RHOBTB1: variants seen among roughly 807,000 people sequenced by gnomAD.
The protein encoded by RHOBTB1 is Rho related BTB domain containing 1.
RHOBTB1 carries 40 observed loss-of-function variants against 71.6 expected under a neutral mutation model. That is an observed-to-expected ratio of 0.56 (90% CI 0.43 to 0.73). RHOBTB1 has a LOEUF of 0.73. Among genes scored for constraint, RHOBTB1 ranks in the 30% least tolerant of loss-of-function variants. The probability of loss-of-function intolerance (pLI) is 0.00; values close to 1 mark genes in which losing one functional copy is unlikely to be tolerated. For synonymous variants in RHOBTB1, 319 were observed against 334.9 expected, an observed-to-expected ratio of 0.95 and a Z score of 0.52; for missense variants, 797 against 894.0, an observed-to-expected ratio of 0.89 and a Z score of 1.38.
intron 2 of RHOBTB1, among the ~76,000 whole-genome samples, chr10:60,959,209 C>A (rs2085698885): frequency 6.6e-6 from 1 of 152,140 alleles, no homozygotes; most frequent in Non-Finnish European, 1.5e-5. Context: ...GTGTTTAAAG[C>A]AAGGGAAAGA....
intron 2 of RHOBTB1, among the ~76,000 whole-genome samples, chr10:60,919,295 C>T (rs1014184798): frequency 1.3e-5 from 2 of 151,602 alleles, no homozygotes; most frequent in African/African-American, 4.9e-5. Flanking sequence ...AAGAGTTAGC[C>T]CTGAAATAAA....
At chr10:60,905,753 A>C (rs188414113) in intron 4 of RHOBTB1, among the ~76,000 whole-genome samples, 1 of 152,220 alleles carries the variant, frequency 6.6e-6, no homozygotes, top group Non-Finnish European at 1.5e-5. Flanking sequence ...TCATCATTAC[A>C]ATGTTATTTC....
upstream of RHOBTB1, among the ~76,000 whole-genome samples, chr10:60,949,077 G>A (rs2085329158): frequency 1.3e-5 from 2 of 152,302 alleles, no homozygotes; most frequent in Admixed American, 6.5e-5. Flanking sequence ...CTGTTCTGAG[G>A]CTCTTCATTA....
chr10:60,930,046 G>A (rs1275577469), intron 2 of RHOBTB1, among the ~76,000 whole-genome samples: 1 of 152,036 alleles, frequency 6.6e-6, no homozygotes, highest in Non-Finnish European at 1.5e-5. Flanking sequence ...GAAAGGAAAA[G>A]CTCTATAATA....
intron 1 of RHOBTB1, among the ~76,000 whole-genome samples, chr10:60,988,242 T>C (rs2086736257): frequency 6.6e-6 from 1 of 152,168 alleles, no homozygotes; most frequent in Non-Finnish European, 1.5e-5. Context: ...CCTGAAATAC[T>C]CAACTTTTAA....
the RHOBTB1 span, among the ~76,000 whole-genome samples, chr10:60,862,865 C>T: frequency 2.2e-5 from 3 of 138,646 alleles, no homozygotes; most frequent in Non-Finnish European, 1.6e-5. Context: ...CCCTCCCTCC[C>T]TTCCTTCCTT....
intron 2 of RHOBTB1, among the ~76,000 whole-genome samples, chr10:60,973,259 T>C (rs2086219423): frequency 6.6e-6 from 1 of 152,082 alleles, no homozygotes; most frequent in Non-Finnish European, 1.5e-5. Flanking sequence ...GATAAGATTT[T>C]AGTGGTTGCA....
chr10:60,986,575 A>C (rs1357797676), intron 1 of RHOBTB1, among the ~76,000 whole-genome samples: 1 of 151,646 alleles, frequency 6.6e-6, no homozygotes, highest in African/African-American at 2.4e-5. Flanking sequence ...TTCTTAGGAG[A>C]AAACATATCA....
At chr10:60,990,021 C>T (rs561655094) in intron 1 of RHOBTB1, among the ~76,000 whole-genome samples, 36 of 133,368 alleles carry the variant, frequency 2.7e-4, no homozygotes, top group East Asian at 8.8e-4. Context: ...CTCGTTCTGT[C>T]GCCTAGGCTG....
At chr10:60,917,727 T>C (rs1322800383) in intron 2 of RHOBTB1, among the ~76,000 whole-genome samples, 1 of 152,064 alleles carries the variant, frequency 6.6e-6, no homozygotes, top group East Asian at 1.9e-4. Flanking sequence ...AACATATGAA[T>C]TGGGGGAGGG....
At chr10:60,952,186 G>A (rs889801834) in intron 2 of RHOBTB1, among the ~76,000 whole-genome samples, 2 of 151,348 alleles carry the variant, frequency 1.3e-5, no homozygotes, top group Non-Finnish European at 2.9e-5. Flanking sequence ...GAATTTTAAA[G>A]CTGGAATTTT....
chr10:60,893,744 G>C (rs2082034407), intron 4 of RHOBTB1, among the ~76,000 whole-genome samples: 1 of 152,206 alleles, frequency 6.6e-6, no homozygotes, highest in South Asian at 2.1e-4. Context: ...CTGCTTTATA[G>C]TAAATTTTGA....
intron 7 of RHOBTB1, among the ~76,000 whole-genome samples, chr10:60,881,036 C>A (rs1487960252): frequency 6.6e-6 from 1 of 152,138 alleles, no homozygotes; most frequent in African/African-American, 2.4e-5. Flanking sequence ...TGGGAGAGAC[C>A]TGATGGGAGA....
chr10:60,937,748 C>T lies in RHOBTB1; in HGVS notation c.-11+4056G>A, dbSNP rs74155413. Among the ~76,000 whole-genome samples, 1,472 of 152,254 alleles carry T rather than the reference C, an allele frequency of 9.7e-3. 20 individuals are homozygous for T. Among genetic ancestry groups the T allele is most frequent in the African/African-American group, 0.033 (1,386 of 41,528 alleles). The stretch of plus-strand genomic sequence containing the variant: ...TGTTGTGTTCAAGAAAAAAAGGTTC[C>T]TATAACCATTCCTTAAAATATCAGA... On this transcript the variant is annotated intron_variant, in intron 2 of 10. Coordinates refer to ENST00000337910, the MANE Select transcript of RHOBTB1 (RefSeq NM_014836.5).
chr10:61,000,606 T>A (rs1288970656), intron 1 of RHOBTB1, among the ~76,000 whole-genome samples: 2 of 152,184 alleles, frequency 1.3e-5, no homozygotes, highest in African/African-American at 4.8e-5. Context: ...TTACTTCTCT[T>A]AAAATACATG....
chr10:60,935,087 C>T (rs1292970563), intron 2 of RHOBTB1, among the ~76,000 whole-genome samples: 1 of 152,060 alleles, frequency 6.6e-6, no homozygotes, highest in Non-Finnish European at 1.5e-5. Flanking sequence ...TGGAAACAAC[C>T]CATCAACAGT....
intron 1 of RHOBTB1, among the ~76,000 whole-genome samples, chr10:60,987,419 T>C (rs1204571236): frequency 1.3e-5 from 2 of 152,192 alleles, no homozygotes; most frequent in South Asian, 2.1e-4. Flanking sequence ...CCACTCTCCC[T>C]GGTTCAACAC....
At chr10:60,883,888 T>A (rs1420388962) in intron 7 of RHOBTB1, among the ~76,000 whole-genome samples, 1 of 152,120 alleles carries the variant, frequency 6.6e-6, no homozygotes, top group African/African-American at 2.4e-5. Context: ...GTGGAGGAGT[T>A]GAGATTTGAG....
downstream of RHOBTB1, among the ~76,000 whole-genome samples, chr10:60,866,841 C>T (rs543588759): frequency 1.3e-5 from 2 of 151,960 alleles, no homozygotes; most frequent in East Asian, 3.9e-4. Context: ...ATTGTTAAAC[C>T]ACTGTCATGA....
Sources: gnomAD v4.1 joint callset for allele counts (sites outside exome capture counted in the v4.1 genomes callset) on GRCh38, gnomAD v4.1.1 for gene constraint, MANE v1.5 for transcripts, NCBI Gene and HGNC (gene_info 2026-07-23, HGNC 2026-07-21) for gene names.